ASZ1: variants seen among roughly 807,000 people sequenced by gnomAD.
The protein encoded by ASZ1 is ankyrin repeat, SAM and basic leucine zipper domain containing 1, also known as ankyrin repeat, SAM and basic leucine zipper domain-containing protein 1.
Under a neutral mutation model 61.8 loss-of-function variants are expected in ASZ1, and 67 were observed. The ratio of observed to expected loss-of-function variants is 1.08; its 90% CI spans 0.89 to 1.33. The LOEUF (loss-of-function observed/expected upper bound fraction) is 1.33, where lower values mean the gene tolerates loss of function less well. Among genes scored for constraint, ASZ1 ranks in the 40% most tolerant of loss-of-function variants. The pLI is 0.00. For missense variants in ASZ1, 577 were observed against 554.5 expected (o/e 1.04, Z -0.41); for synonymous variants, 193 against 192.7 (o/e 1.00, Z -0.01).
intron 4 of ASZ1, among the ~76,000 whole-genome samples, chr7:117,394,360 A>G (rs1157023811): frequency 6.6e-6 from 1 of 152,210 alleles, no homozygotes; most frequent in Admixed American, 6.5e-5. Context: ...CTGAGATTAC[A>G]GTGGTGAGCC....
chr7:117,378,652 A>G (rs1170346653), intron 10 of ASZ1, among the ~76,000 whole-genome samples: 1 of 152,094 alleles, frequency 6.6e-6, no homozygotes, highest in East Asian at 1.9e-4. Flanking sequence ...CAACCACCGT[A>G]CAACCTAACA....
chr7:117,407,903 C>T (rs553748849), intron 4 of ASZ1, among the ~76,000 whole-genome samples: 10 of 152,124 alleles, frequency 6.6e-5, no homozygotes, highest in Admixed American at 3.9e-4. Flanking sequence ...AGATGACGAA[C>T]GGGCAGTTAG....
chr7:117,412,655 A>G (rs1269868666), intron 4 of ASZ1, among the ~76,000 whole-genome samples: 1 of 151,964 alleles, frequency 6.6e-6, no homozygotes, highest in Non-Finnish European at 1.5e-5. Context: ...ATCAATGGTA[A>G]TAAAAGCATC....
intron 10 of ASZ1, among the ~76,000 whole-genome samples, chr7:117,373,618 A>G (rs1362596735): frequency 6.6e-6 from 1 of 152,204 alleles, no homozygotes; most frequent in East Asian, 1.9e-4. Flanking sequence ...ATGACTTTGA[A>G]CAAATGGTAA....
At chr7:117,374,107 T>C (rs1261913215) in intron 10 of ASZ1, among the ~76,000 whole-genome samples, 1 of 152,070 alleles carries the variant, frequency 6.6e-6, no homozygotes, top group African/African-American at 2.4e-5. Flanking sequence ...GAAATTGGAA[T>C]AGGGAATTTT....
At chr7:117,425,662 C>T (rs966997262) in intron 2 of ASZ1, among the ~76,000 whole-genome samples, 11 of 151,694 alleles carry the variant, frequency 7.3e-5, no homozygotes, top group African/African-American at 2.4e-4. Context: ...TTCATGAAGC[C>T]CAGGACAGAA....
At chr7:117,396,695 A>C (rs1796581341) in intron 4 of ASZ1, among the ~76,000 whole-genome samples, 1 of 152,194 alleles carries the variant, frequency 6.6e-6, no homozygotes. Context: ...AGATTTGTGT[A>C]TCCATGTTCA....
intron 12 of ASZ1, among the ~76,000 whole-genome samples, chr7:117,365,914 C>A (rs1304492215): frequency 6.6e-6 from 1 of 152,200 alleles, no homozygotes; most frequent in African/African-American, 2.4e-5. Context: ...AATGTTCTTT[C>A]CCAGCTATTA....
chr7:117,399,238 C>T (rs1796632528), intron 4 of ASZ1, among the ~76,000 whole-genome samples: 1 of 152,048 alleles, frequency 6.6e-6, no homozygotes, highest in African/African-American at 2.4e-5. Context: ...CAAAACTGAA[C>T]GAAGCTGAAA....
At chr7:117,420,992 A>ATGAG (rs1797089462) in intron 3 of ASZ1, among the ~76,000 whole-genome samples, 1 of 152,314 alleles carries the variant, frequency 6.6e-6, no homozygotes, top group East Asian at 1.9e-4. Context: ...ATTAGATTTA[A>ATGAG]CATACAGATA....
At chr7:117,384,660 C>T in intron 6 of ASZ1, 66 bp downstream of exon 6, 2 of 1,495,066 alleles carry the variant, frequency 1.3e-6, no homozygotes, top group Non-Finnish European at 1.8e-6. Flanking sequence ...CAGAATAATA[C>T]AAAAGTTCTA....
At chr7:117,386,282 A>G (rs993937663) in intron 4 of ASZ1, among the ~76,000 whole-genome samples, 5 of 152,210 alleles carry the variant, frequency 3.3e-5, no homozygotes, top group African/African-American at 1.2e-4. Context: ...AATGTATTCT[A>G]TTATGATTCT....
chr7:117,397,907 C>T (rs1166783916), intron 4 of ASZ1, among the ~76,000 whole-genome samples: 1 of 152,164 alleles, frequency 6.6e-6, no homozygotes, highest in Non-Finnish European at 1.5e-5. Flanking sequence ...CTCTGGTTGT[C>T]CACAGGCGAA....
At chr7:117,399,300 TA>T (rs1171586278) in intron 4 of ASZ1, among the ~76,000 whole-genome samples, 3 of 152,030 alleles carry the variant, frequency 2.0e-5, no homozygotes, top group Non-Finnish European at 4.4e-5. Context: ...AACCAAACAA[TA>T]AAAAACAACT....
intron 10 of ASZ1, among the ~76,000 whole-genome samples, chr7:117,374,477 C>T (rs1040132681): frequency 4.6e-5 from 7 of 151,882 alleles, no homozygotes; most frequent in Admixed American, 2.0e-4. Context: ...ATCATGGTTA[C>T]GAACCATAAT....
In ASZ1 at chr7:117,375,155, T is replaced by C. The variant is rs188358097; in HGVS notation, c.1055+4783A>G. Among the ~76,000 whole-genome samples the C allele has an allele frequency of 3.7e-4, 56 of 152,162 alleles. No individual in the cohort carries two copies. In the East Asian group the frequency reaches 7.1e-3, roughly 19 times the overall value. ...GAATGAAAACAATTATTATAGGTTA[T>C]TTCGGATTATAAAATCTAGGTGAAA... On this transcript the variant is annotated intron_variant, in intron 10 of 12. Coordinates refer to ENST00000284629, the MANE Select transcript of ASZ1 (RefSeq NM_130768.3).
At chr7:117,408,417 A>C (rs1796832856) in intron 4 of ASZ1, among the ~76,000 whole-genome samples, 1 of 152,188 alleles carries the variant, frequency 6.6e-6, no homozygotes. Flanking sequence ...ACCAGGGGAC[A>C]AAGACCAAAT....
intron 10 of ASZ1, among the ~76,000 whole-genome samples, chr7:117,377,732 A>C (rs187549481): frequency 4.4e-4 from 67 of 152,244 alleles, no homozygotes; most frequent in South Asian, 8.3e-4. Context: ...AGGCTCTAGA[A>C]GAGCCAAGAT....
At chr7:117,388,364 C>G (rs1041848638) in intron 4 of ASZ1, among the ~76,000 whole-genome samples, 1 of 152,002 alleles carries the variant, frequency 6.6e-6, no homozygotes, top group South Asian at 2.1e-4. Flanking sequence ...GGAAAGAAAA[C>G]TATAAACCAA....
Sources: allele counts gnomAD v4.1 joint callset (sites outside exome capture counted in the v4.1 genomes callset), GRCh38; gene constraint gnomAD v4.1.1; transcripts MANE v1.5; gene names NCBI Gene and HGNC (gene_info 2026-07-23, HGNC 2026-07-21).